SOX6: variants seen among roughly 807,000 people sequenced by gnomAD.
The protein encoded by SOX6 is transcription factor SOX-6.
In SOX6, 11 loss-of-function variants were observed where a neutral mutation model predicts 97.8. The ratio of observed to expected loss-of-function variants is 0.11; its 90% CI spans 0.07 to 0.19. SOX6 has a LOEUF of 0.19. SOX6 is among the 10% of genes least tolerant of loss of function. The pLI is 1.00. For missense variants in SOX6, 810 were observed against 1,039.5 expected, an observed-to-expected ratio of 0.78 and a Z score of 3.04; for synonymous variants, 360 against 371.4, an observed-to-expected ratio of 0.97 and a Z score of 0.35.
chr11:16,196,360 G>T (rs1414673657), intron 4 of SOX6, among the ~76,000 whole-genome samples: 1 of 152,142 alleles, frequency 6.6e-6, no homozygotes, highest in Admixed American at 6.5e-5. Context: ...ATGGAGAATG[G>T]AACTCCTGAA....
intron 15 of SOX6, among the ~76,000 whole-genome samples, chr11:15,981,747 G>A (rs984157758): frequency 2.0e-5 from 3 of 151,964 alleles, no homozygotes; most frequent in Non-Finnish European, 2.9e-5. Flanking sequence ...AAATGCAAAT[G>A]TTCAAATCAC....
intron 3 of SOX6, among the ~76,000 whole-genome samples, chr11:16,707,846 T>G (rs1004472755): frequency 2.6e-5 from 4 of 152,164 alleles, no homozygotes; most frequent in African/African-American, 9.6e-5. Flanking sequence ...TTTTTCAGAT[T>G]TTCAGATTTA....
At chr11:16,010,702 C>CTTTCCTCCCA (rs1248139317) in intron 13 of SOX6, among the ~76,000 whole-genome samples, 24 of 151,988 alleles carry the variant, frequency 1.6e-4, no homozygotes, top group African/African-American at 4.1e-4. Flanking sequence ...GGAGGGAGCC[C>CTTTCCTCCCA]ATCTGTGAAA....
At chr11:16,672,008 GA>G (rs1349926807) in intron 3 of SOX6, among the ~76,000 whole-genome samples, 2 of 152,144 alleles carry the variant, frequency 1.3e-5, no homozygotes, top group Middle Eastern at 3.2e-3. Flanking sequence ...CATTCTTAAA[GA>G]AAAAATCTTC....
chr11:16,692,219 C>T (rs900748799), intron 3 of SOX6, among the ~76,000 whole-genome samples: 1 of 152,044 alleles, frequency 6.6e-6, no homozygotes, highest in Non-Finnish European at 1.5e-5. Flanking sequence ...TATAGGAATG[C>T]ACCACCATGC....
intron 4 of SOX6, among the ~76,000 whole-genome samples, chr11:16,505,129 A>G (rs1351261535): frequency 6.6e-6 from 1 of 152,210 alleles, no homozygotes; most frequent in African/African-American, 2.4e-5. Flanking sequence ...GCTCAGAGGA[A>G]GGTAGAAAGA....
At chr11:16,379,195 A>G (rs1022371032) in intron 1 of SOX6, among the ~76,000 whole-genome samples, 2 of 152,142 alleles carry the variant, frequency 1.3e-5, no homozygotes, top group East Asian at 1.9e-4. Context: ...GGCCGGGCAC[A>G]GTGGTTCATG....
chr11:15,994,633 A>C (rs964990087), intron 13 of SOX6, among the ~76,000 whole-genome samples: 4 of 152,166 alleles, frequency 2.6e-5, no homozygotes, highest in Non-Finnish European at 4.4e-5. Context: ...CTCAATGATT[A>C]CCAGTGAATT....
intron 4 of SOX6, among the ~76,000 whole-genome samples, chr11:16,506,639 A>G (rs1860792785): frequency 6.6e-6 from 1 of 152,188 alleles, no homozygotes; most frequent in Non-Finnish European, 1.5e-5. Flanking sequence ...TGTGCCCCCA[A>G]CCAAATCTCA....
intron 4 of SOX6, among the ~76,000 whole-genome samples, chr11:16,539,726 A>G (rs1861372206): frequency 6.6e-6 from 1 of 152,240 alleles, no homozygotes; most frequent in Non-Finnish European, 1.5e-5. Context: ...TTTAGAAGAA[A>G]TGGATAAATC....
intron 3 of SOX6, among the ~76,000 whole-genome samples, chr11:16,685,236 A>G (rs1403047798): frequency 6.6e-6 from 1 of 152,202 alleles, no homozygotes; most frequent in Non-Finnish European, 1.5e-5. Flanking sequence ...AAATACAATC[A>G]TGGCTTCCCA....
chr11:16,144,917 A>C (rs1391995049), intron 6 of SOX6, among the ~76,000 whole-genome samples: 2 of 152,222 alleles, frequency 1.3e-5, no homozygotes, highest in Non-Finnish European at 2.9e-5. Flanking sequence ...ATTCTACCAG[A>C]GGTACAAGGA....
intron 4 of SOX6, chr11:16,576,791 T>C (rs1386444748): frequency 6.6e-6 from 1 of 152,216 alleles, no homozygotes; most frequent in Non-Finnish European, 1.5e-5. Flanking sequence ...ATATTACAGA[T>C]ATTACAGATC....
chr11:16,701,940 C>A (rs1388083671), intron 3 of SOX6, among the ~76,000 whole-genome samples: 2 of 152,038 alleles, frequency 1.3e-5, no homozygotes, highest in African/African-American at 4.8e-5. Context: ...CCATACTATA[C>A]TCTGCATTTG....
chr11:16,214,024 T>A (rs190347097), intron 4 of SOX6, among the ~76,000 whole-genome samples: 9 of 152,208 alleles, frequency 5.9e-5, no homozygotes, highest in Admixed American at 5.9e-4. Flanking sequence ...CAATAGAGCT[T>A]TCTTATGATA....
intron 2 of SOX6, among the ~76,000 whole-genome samples, chr11:16,716,082 A>G (rs1383825979): frequency 6.6e-6 from 1 of 152,172 alleles, no homozygotes; most frequent in Non-Finnish European, 1.5e-5. Flanking sequence ...TAAAAATACA[A>G]AAATTTATCC....
At chr11:16,596,374 T>C (rs1848213346) in intron 4 of SOX6, among the ~76,000 whole-genome samples, 1 of 152,234 alleles carries the variant, frequency 6.6e-6, no homozygotes, top group East Asian at 1.9e-4. Flanking sequence ...GCTAAGCTGC[T>C]GGCTTATGTC....
chr11:16,157,987 TA>T (rs1446820603), intron 6 of SOX6, among the ~76,000 whole-genome samples: 1 of 152,042 alleles, frequency 6.6e-6, no homozygotes, highest in African/African-American at 2.4e-5. Flanking sequence ...ATATCTACCA[TA>T]ACACTTAGCA....
At chr11:16,590,189 A>C (rs992847831) in intron 4 of SOX6, among the ~76,000 whole-genome samples, 1 of 152,182 alleles carries the variant, frequency 6.6e-6, no homozygotes, top group Admixed American at 6.5e-5. Context: ...GAAGATTTGC[A>C]AAAAGAAATG....
Sources: allele counts gnomAD v4.1 joint callset (sites outside exome capture counted in the v4.1 genomes callset), GRCh38; gene constraint gnomAD v4.1.1; transcripts MANE v1.5; gene names NCBI Gene and HGNC (gene_info 2026-07-23, HGNC 2026-07-21).